Variants in TET2 observed in about 807,000 individuals in gnomAD.
The protein encoded by TET2 is tet methylcytosine dioxygenase 2, also known as methylcytosine dioxygenase TET2.
Under a neutral mutation model 142.9 loss-of-function variants are expected in TET2, and 299 were observed. The observed-to-expected ratio is 2.09, with a 90% CI of 1.90 to 2.30. TET2 has a LOEUF of 2.30. Ranked by LOEUF, TET2 falls within the 30% of genes most tolerant of loss-of-function variation. The pLI is 0.00. For missense variants in TET2, 2,418 were observed against 2,378.0 expected (o/e 1.02, Z -0.35); for synonymous variants, 819 against 849.0 (o/e 0.96, Z 0.61).
rs148370469 is a variant in TET2 at position 105,243,040 on chromosome 4, C to T, written c.3594+113C>T. 385 of 814,054 alleles carry T rather than the reference C, an allele frequency of 4.7e-4. 4 individuals carry two copies. The African/African-American group carries it at 5.6e-3, about 12-fold the overall frequency. 50.4% of individuals were successfully genotyped at this position (814,054 alleles called of 1,614,324 possible). On this transcript the variant is annotated intron_variant, in intron 5 of 10. Transcript: ENST00000380013. ...AAAGACTCATGCCAGTTAAAAAGAA[C>T]ATTACCTGTATTTTTTATCATGTGT...
At chr4:105,259,220 TA>T (rs548927924) in intron 6 of TET2, among the ~76,000 whole-genome samples, 80 of 152,074 alleles carry the variant, frequency 5.3e-4, no homozygotes, top group African/African-American at 1.9e-3. Context: ...ACCCCATCTG[TA>T]AAAAAGAAAG....
At position 105,277,789 on chromosome 4, in the gene TET2, G is replaced by T. The variant is rs1731288318; in HGVS notation, c.*1270G>T. 4.4e-6 allele frequency: 1 copy of T among 227,446 alleles called. No homozygotes were observed. The highest frequency in any genetic ancestry group is 1.8e-4 in the South Asian group (1 of 5,482). The allele number at this position is 227,446 out of a possible 1,614,324, so 14.1% of individuals were successfully genotyped here. A position where few individuals can be genotyped will look rare whatever the true frequency, so the allele number is the denominator to read the frequency against. ...TATTAACTGCAGGTAATAATTAGCTGCATGCTGCAGACTCAACAAAGCTAG... is the reference window on the plus strand; with the variant it reads ...TATTAACTGCAGGTAATAATTAGCTTCATGCTGCAGACTCAACAAAGCTAG... On this transcript the variant is annotated 3_prime_UTR_variant, in exon 11 of 11. Coordinates refer to ENST00000380013, the MANE Select transcript of TET2 (RefSeq NM_001127208.3).
intron 6 of TET2, among the ~76,000 whole-genome samples, chr4:105,246,357 AGTTT>A (rs1387269229): frequency 6.6e-6 from 1 of 152,262 alleles, no homozygotes; most frequent in Non-Finnish European, 1.5e-5. Context: ...GAAAGCTTGT[AGTTT>A]GTTAGTTTAA....
intron 1 of TET2, among the ~76,000 whole-genome samples, chr4:105,183,623 C>T (rs1725251949): frequency 6.6e-6 from 1 of 152,008 alleles, no homozygotes; most frequent in Non-Finnish European, 1.5e-5. Context: ...AGAATTAGAA[C>T]CCAAGATTAA....
intron 1 of TET2, among the ~76,000 whole-genome samples, chr4:105,159,873 G>T (rs555593075): frequency 1.6e-3 from 238 of 152,092 alleles, no homozygotes; most frequent in African/African-American, 5.5e-3. Flanking sequence ...GCGTGGTGGC[G>T]GGCGCCTGTA....
chr4:105,240,837 C>T, intron 3 of TET2: 1 of 1,079,204 alleles, frequency 9.3e-7, no homozygotes, highest in East Asian at 5.0e-5. Context: ...ATTTGCAAAA[C>T]AGCAATTAAA....
chr4:105,205,781 A>G (rs1276413502), intron 2 of TET2, among the ~76,000 whole-genome samples: 1 of 151,910 alleles, frequency 6.6e-6, no homozygotes, highest in African/African-American at 2.4e-5. Flanking sequence ...ATAGGCATGC[A>G]CCACCACTCC....
chr4:105,234,186 A>G lies in TET2; in HGVS notation c.244A>G (p.Ser82Gly), dbSNP rs758303716. 1.9e-6 allele frequency: 3 copies of G among 1,614,190 alleles called. No individual in the cohort carries two copies. Among genetic ancestry groups the G allele is most frequent in the Non-Finnish European group, 2.5e-6 (3 of 1,180,030 alleles). Residue 82 changes from serine to glycine, a missense_variant, in exon 3 of 11, where the codon AGT becomes GGT. Physicochemically the swap from Ser to Gly is moderately conservative, Grantham distance 56 (BLOSUM62 0). Coordinates refer to ENST00000380013, the MANE Select transcript of TET2 (RefSeq NM_001127208.3). ...SRVSPDFTQE[S>G]RGYSKCLQNG... is the part of the protein sequence containing the mutation. ...TGTGAGTCCTGACTTTACACAAGAA[A>G]GTAGAGGGTATTCCAAGTGTTTGCA... is the stretch of plus-strand genomic sequence containing the variant.
At chr4:105,186,070 TAAAC>T (rs548178256) in intron 1 of TET2, among the ~76,000 whole-genome samples, 151 of 151,984 alleles carry the variant, frequency 9.9e-4, no homozygotes, top group African/African-American at 3.5e-3. Context: ...CTACAAAAAA[TAAAC>T]AAAAAATGTG....
chr4:105,264,886 G>A (rs1730611979), intron 8 of TET2, among the ~76,000 whole-genome samples: 1 of 152,238 alleles, frequency 6.6e-6, no homozygotes, highest in South Asian at 2.1e-4. Flanking sequence ...TCTCACATCT[G>A]AATATTCTTC....
intron 4 of TET2, chr4:105,241,999 G>A (rs1420773669): frequency 1.3e-5 from 16 of 1,236,112 alleles, no homozygotes; most frequent in Non-Finnish European, 1.6e-5. Flanking sequence ...ACTCCTGCAT[G>A]TAGAAGACTC....
chr4:105,149,092 A>T (rs11725310), intron 1 of TET2, among the ~76,000 whole-genome samples: 1 of 152,228 alleles, frequency 6.6e-6, no homozygotes, highest in African/African-American at 2.4e-5. Context: ...AATGCTGTTC[A>T]TGGTAAACTA....
At chr4:105,263,509 A>C (rs755177674) in intron 8 of TET2, among the ~76,000 whole-genome samples, 1 of 152,220 alleles carries the variant, frequency 6.6e-6, no homozygotes, top group Non-Finnish European at 1.5e-5. Flanking sequence ...AGATACAACA[A>C]ATTTCCAGTT....
chr4:105,153,830 A>G (rs766352808), intron 1 of TET2, among the ~76,000 whole-genome samples: 1 of 152,252 alleles, frequency 6.6e-6, no homozygotes, highest in African/African-American at 2.4e-5. Flanking sequence ...TAAAATGCAT[A>G]CAGTTGTTCA....
chr4:105,272,860 G>GT lies in TET2; in HGVS notation c.4480dup (p.Ser1494PhefsTer10). 6.4e-7 allele frequency: 1 copy of GT among 1,550,922 alleles called. No homozygotes were observed. Among genetic ancestry groups the GT allele is most frequent in the Non-Finnish European group, 8.7e-7 (1 of 1,146,830 alleles). On this transcript the variant is annotated frameshift_variant, in exon 10 of 11. Transcript: ENST00000380013. LOFTEE classifies it high-confidence loss of function. ...GCTCAAATAAAAATGAAAAGGAAAA[G>GT]TCAGCCCCATCACGTACAAAACAAA...
chr4:105,261,064 T>A (rs1730398881), intron 7 of TET2, among the ~76,000 whole-genome samples: 1 of 152,046 alleles, frequency 6.6e-6, no homozygotes, highest in South Asian at 2.1e-4. Flanking sequence ...TGGTTATGTC[T>A]CACAACTTTT....
At chr4:105,228,238 C>CTTTAT (rs1728301159) in intron 2 of TET2, among the ~76,000 whole-genome samples, 1 of 152,034 alleles carries the variant, frequency 6.6e-6, no homozygotes, top group Non-Finnish European at 1.5e-5. Flanking sequence ...GTTTAAATTT[C>CTTTAT]CTGAAATAAG....
At chr4:105,186,214 A>C (rs1379112468) in intron 1 of TET2, among the ~76,000 whole-genome samples, 1 of 152,178 alleles carries the variant, frequency 6.6e-6, no homozygotes, top group Non-Finnish European at 1.5e-5. Flanking sequence ...TGGGTGACAG[A>C]GCAAGACCCT....
chr4:105,206,229 A>G (rs1726816509), intron 2 of TET2, among the ~76,000 whole-genome samples: 1 of 152,152 alleles, frequency 6.6e-6, no homozygotes. Context: ...CTGAGTTTGT[A>G]TATATTTCCT....
Sources: allele counts gnomAD v4.1 joint callset (sites outside exome capture counted in the v4.1 genomes callset), GRCh38; gene constraint gnomAD v4.1.1; transcripts MANE v1.5; gene names NCBI Gene and HGNC (gene_info 2026-07-23, HGNC 2026-07-21).